DYNLRB1: variants seen among roughly 807,000 people sequenced by gnomAD.
The protein encoded by DYNLRB1 is dynein light chain roadblock-type 1, also known as ROBL/LC7-like 1.
Under a neutral mutation model 13.5 loss-of-function variants are expected in DYNLRB1, and 6 were observed. The observed-to-expected ratio is 0.44, with a 90% CI of 0.24 to 0.88. DYNLRB1 has a LOEUF of 0.88. DYNLRB1 is among the 40% of genes least tolerant of loss of function. The pLI, the probability that DYNLRB1 is intolerant of heterozygous loss-of-function variation, is 0.21. For synonymous variants in DYNLRB1, 43 were observed against 45.0 expected, an observed-to-expected ratio of 0.96 and a Z score of 0.18; for missense variants, 93 against 127.2, an observed-to-expected ratio of 0.73 and a Z score of 1.29.
chr20:34,519,052 C>T (rs1275669093), intron 1 of DYNLRB1, among the ~76,000 whole-genome samples: 3 of 151,962 alleles, frequency 2.0e-5, no homozygotes, highest in African/African-American at 7.3e-5. Flanking sequence ...GCCACCATGC[C>T]TGGCTAATTT....
intron 2 of DYNLRB1, 140 bp downstream of exon 2, chr20:34,526,483 TTC>T: frequency 1.6e-4 from 80 of 506,564 alleles, no homozygotes; most frequent in Non-Finnish European, 1.7e-4. Flanking sequence ...ACCTCCAGTG[TTC>T]TTTTTTTTTT....
At chr20:34,517,111 C>T (rs1271434608) in intron 1 of DYNLRB1, among the ~76,000 whole-genome samples, 1 of 152,144 alleles carries the variant, frequency 6.6e-6, no homozygotes, top group East Asian at 1.9e-4. Context: ...CTTGCTGCAG[C>T]TGTGGGTTCT....
intron 1 of DYNLRB1, among the ~76,000 whole-genome samples, chr20:34,524,104 T>TG (rs1361878526): frequency 6.6e-6 from 1 of 152,156 alleles, no homozygotes; most frequent in African/African-American, 2.4e-5. Context: ...GATGCATAGA[T>TG]GGGGGGTTAA....
intron 1 of DYNLRB1, among the ~76,000 whole-genome samples, chr20:34,525,815 C>T (rs1000975768): frequency 1.3e-5 from 2 of 152,236 alleles, no homozygotes; most frequent in African/African-American, 4.8e-5. Context: ...TCTCAGATGC[C>T]TGCCGCAGTC....
At chr20:34,536,262 A>C (rs540322435) in intron 3 of DYNLRB1, 7 of 985,444 alleles carry the variant, frequency 7.1e-6, no homozygotes, top group East Asian at 2.3e-4. Flanking sequence ...GGCAAGTCGC[A>C]GAACACCTGC....
intron 2 of DYNLRB1, among the ~76,000 whole-genome samples, chr20:34,527,730 T>A (rs1980345689): frequency 6.6e-6 from 1 of 152,108 alleles, no homozygotes; most frequent in South Asian, 2.1e-4. Flanking sequence ...AAATTCTGCT[T>A]TAGGGGATAG....
chr20:34,520,378 C>T (rs1038796165), intron 1 of DYNLRB1, among the ~76,000 whole-genome samples: 3 of 152,132 alleles, frequency 2.0e-5, no homozygotes, highest in Non-Finnish European at 2.9e-5. Context: ...ACATAATACT[C>T]GGTGAAATAG....
At chr20:34,530,030 A>G in intron 2 of DYNLRB1, 5 of 1,254,946 alleles carry the variant, frequency 4.0e-6, no homozygotes, top group Non-Finnish European at 5.0e-6. Context: ...GACCTGAAAG[A>G]CTTTTGTCAC....
chr20:34,525,503 G>A (rs1254566918), intron 1 of DYNLRB1, among the ~76,000 whole-genome samples: 2 of 152,190 alleles, frequency 1.3e-5, no homozygotes, highest in Non-Finnish European at 2.9e-5. Context: ...AGGCTTCGCG[G>A]AGGAGATGAT....
intron 3 of DYNLRB1, chr20:34,536,070 G>C: frequency 1.0e-6 from 1 of 985,392 alleles, no homozygotes; most frequent in Non-Finnish European, 1.2e-6. Context: ...GGCTCCCTGG[G>C]ACACTCCCTA....
rs1278554757 is a variant in DYNLRB1, at chr20:34,529,927, G to A, written c.79+3584G>A. 3 of 1,470,722 alleles carry A rather than the reference G, an allele frequency of 2.0e-6. No homozygotes were observed. The East Asian group carries it at 7.9e-5, about 39-fold the overall frequency. The allele number at this position is 1,470,722 out of a possible 1,614,324, so 91.1% of individuals were successfully genotyped here. ...CAGGGCTGCCCCTGATCAGTTGGGT[G>A]GCCTGAGGCAACTCCTTTCCCCGCT... On this transcript the variant is annotated intron_variant, in intron 2 of 3. Transcript: ENST00000357156.
rs1998408 is a variant in DYNLRB1 at position 34,530,445 on chromosome 20, A to G, written c.79+4102A>G. 1,656 of 248,742 alleles carry G rather than the reference A, an allele frequency of 6.7e-3. 41 individuals carry two copies. The highest frequency in any genetic ancestry group is 0.036 in the African/African-American group (1,576 of 43,190). The allele number at this position is 248,742 out of a possible 1,614,324, so 15.4% of individuals were successfully genotyped here. A position where few individuals can be genotyped will look rare whatever the true frequency, so the allele number is the denominator to read the frequency against. On this transcript the variant is annotated intron_variant, in intron 2 of 3. Transcript: ENST00000357156. Reference sequence around the variant, plus strand: ...TTCCTCTAGGGGAAGCTTTTAGAATAGTGCCTGGCATGAAATGCCTATGAA... The same window carrying G: ...TTCCTCTAGGGGAAGCTTTTAGAATGGTGCCTGGCATGAAATGCCTATGAA...
Position 34,534,708 on chromosome 20 carries a change from C to G in DYNLRB1, c.160C>G (p.Arg54Gly), listed in dbSNP as rs1348426601. The G allele has an allele frequency of 6.2e-7, 1 of 1,611,540 alleles. No homozygotes were observed. Residue 54 changes from arginine to glycine, a missense_variant, in exon 3 of 4, where the codon CGG becomes GGG. Coordinates refer to ENST00000357156, the MANE Select transcript of DYNLRB1 (RefSeq NM_014183.4). ...SLMHSFILKA[R>G]STVRDIDPQN... ...CATGCACAGCTTCATCCTGAAGGCA[C>G]GGAGCACCGTGCGTGACATCGACCC...
intron 2 of DYNLRB1, among the ~76,000 whole-genome samples, chr20:34,533,831 A>G (rs1980902589): frequency 6.7e-6 from 1 of 149,604 alleles, no homozygotes; most frequent in South Asian, 2.1e-4. Flanking sequence ...AAAATAAAAT[A>G]AAATAAATAA....
At chr20:34,516,704 G>A in intron 1 of DYNLRB1, 1 of 1,524,260 alleles carries the variant, frequency 6.6e-7, no homozygotes, top group Non-Finnish European at 8.8e-7. Context: ...CCCAGCCTCG[G>A]CCAGGAAGAG....
chr20:34,539,431 A>T (rs1425029267), intron 3 of DYNLRB1, among the ~76,000 whole-genome samples: 1 of 152,160 alleles, frequency 6.6e-6, no homozygotes, highest in Non-Finnish European at 1.5e-5. Flanking sequence ...TATAATCCCA[A>T]CACTTTGGGA....
intron 1 of DYNLRB1, among the ~76,000 whole-genome samples, chr20:34,518,170 T>A (rs1600537037): frequency 6.6e-6 from 1 of 152,268 alleles, no homozygotes; most frequent in East Asian, 1.9e-4. Context: ...CGAAAATCAG[T>A]TGGCCGTAAA....
At chr20:34,538,592 G>A (rs1981350675) in intron 3 of DYNLRB1, among the ~76,000 whole-genome samples, 1 of 152,106 alleles carries the variant, frequency 6.6e-6, no homozygotes, top group Non-Finnish European at 1.5e-5. Flanking sequence ...TTGATGATTT[G>A]GAGTAAAAGA....
At chr20:34,525,150 C>A (rs924030634) in intron 1 of DYNLRB1, among the ~76,000 whole-genome samples, 4 of 152,050 alleles carry the variant, frequency 2.6e-5, no homozygotes, top group Non-Finnish European at 4.4e-5. Flanking sequence ...AACAAGAATT[C>A]ATTGTGCTGT....
Sources: gnomAD v4.1 joint callset for allele counts (sites outside exome capture counted in the v4.1 genomes callset) on GRCh38, gnomAD v4.1.1 for gene constraint, MANE v1.5 for transcripts, NCBI Gene and HGNC (gene_info 2026-07-23, HGNC 2026-07-21) for gene names.